The following PTPRK variants were observed in gnomAD, a reference collection of about 807,000 sequenced individuals.
PTPRK encodes protein tyrosine phosphatase receptor type K.
PTPRK carries 75 observed loss-of-function variants against 178.0 expected under a neutral mutation model. The ratio of observed to expected loss-of-function variants is 0.42; its 90% CI spans 0.35 to 0.51. The LOEUF (loss-of-function observed/expected upper bound fraction) is 0.51, where lower values mean the gene tolerates loss of function less well. Ranked by LOEUF, PTPRK falls within the 20% of genes least tolerant of loss-of-function variation. The probability of loss-of-function intolerance (pLI) is 0.02; values close to 1 mark genes in which losing one functional copy is unlikely to be tolerated. For missense variants in PTPRK, 1,441 were observed against 1,797.8 expected (o/e 0.80, Z 3.59); for synonymous variants, 637 against 620.6 (o/e 1.03, Z -0.39).
chr6:128,026,848 T>C (rs1036564210), intron 13 of PTPRK, among the ~76,000 whole-genome samples: 1 of 152,194 alleles, frequency 6.6e-6, no homozygotes, highest in Non-Finnish European at 1.5e-5. Flanking sequence ...TCACTCTGTA[T>C]TTCTTAATCT....
At chr6:128,384,349 T>C (rs1838380151) in intron 2 of PTPRK, among the ~76,000 whole-genome samples, 2 of 151,914 alleles carry the variant, frequency 1.3e-5, no homozygotes, top group African/African-American at 2.4e-5. Flanking sequence ...TTAATAGAGA[T>C]ATCTCGCAAT....
chr6:128,181,969 G>T (rs1344775915), intron 7 of PTPRK, among the ~76,000 whole-genome samples: 1 of 151,934 alleles, frequency 6.6e-6, no homozygotes, highest in African/African-American at 2.4e-5. Context: ...TGATGAAATA[G>T]TAACCATGGT....
intron 2 of PTPRK, among the ~76,000 whole-genome samples, chr6:128,330,320 A>G (rs2128325277): frequency 6.6e-6 from 1 of 152,110 alleles, no homozygotes; most frequent in South Asian, 2.1e-4. Context: ...CAATGCCATT[A>G]CCCTCCTTTT....
At chr6:128,321,855 G>T in intron 3 of PTPRK, 184 bp downstream of exon 3, 1 of 796,350 alleles carries the variant, frequency 1.3e-6, no homozygotes, top group South Asian at 1.4e-5. Flanking sequence ...AGAAAGAGGG[G>T]CAATCTCTCA....
intron 2 of PTPRK, among the ~76,000 whole-genome samples, chr6:128,342,229 G>C (rs1172160758): frequency 6.6e-6 from 1 of 152,010 alleles, no homozygotes; most frequent in Non-Finnish European, 1.5e-5. Context: ...CTCAAGCCTG[G>C]GTGACAGAGT....
chr6:128,393,957 T>C lies in PTPRK; in HGVS notation c.223+3609A>G, dbSNP rs138443487. On this transcript the variant is annotated intron_variant, in intron 2 of 29. Transcript: ENST00000368226. The stretch of plus-strand genomic sequence containing the variant: ...GTAAAACGCCATCCAGATTAAGAAA[T>C]AGAATATCATCACCAGCATCTGGAA... Among the ~76,000 whole-genome samples, 1,499 of 152,226 alleles carry C rather than the reference T, an allele frequency of 9.8e-3. 20 individuals carry two copies. Among genetic ancestry groups the C allele is most frequent in the African/African-American group, 0.033 (1,351 of 41,534 alleles).
chr6:128,511,260 A>G (rs1207130491), intron 1 of PTPRK, among the ~76,000 whole-genome samples: 2 of 152,124 alleles, frequency 1.3e-5, no homozygotes, highest in African/African-American at 4.8e-5. Context: ...AGTGGTCCAC[A>G]ACAGAGAACA....
chr6:128,039,275 C>T (rs1455357632), intron 13 of PTPRK, among the ~76,000 whole-genome samples: 2 of 152,142 alleles, frequency 1.3e-5, no homozygotes, highest in East Asian at 3.9e-4. Context: ...GAAAATAAGT[C>T]CAAGACACTA....
At chr6:128,115,357 A>C (rs138078063) in intron 7 of PTPRK, among the ~76,000 whole-genome samples, 8 of 152,184 alleles carry the variant, frequency 5.3e-5, no homozygotes, top group African/African-American at 1.9e-4. Context: ...CCACATATAA[A>C]ATTGGAAGTG....
chr6:128,490,920 C>T (rs769634479), intron 1 of PTPRK, among the ~76,000 whole-genome samples: 28 of 152,096 alleles, frequency 1.8e-4, no homozygotes, highest in Non-Finnish European at 4.1e-4. Flanking sequence ...TTTATAAGGA[C>T]ATCAGTCATA....
intron 18 of PTPRK, among the ~76,000 whole-genome samples, chr6:127,995,027 T>C (rs1279896276): frequency 6.6e-6 from 1 of 151,860 alleles, no homozygotes; most frequent in Non-Finnish European, 1.5e-5. Context: ...CTGTCAAAGC[T>C]AAAAATGGTC....
intron 2 of PTPRK, among the ~76,000 whole-genome samples, chr6:128,346,700 T>C (rs929571452): frequency 1.3e-5 from 2 of 152,106 alleles, no homozygotes; most frequent in Non-Finnish European, 1.5e-5. Context: ...CCTTGTCAAA[T>C]GTGCACTCTT....
At chr6:128,140,514 A>C (rs1046274825) in intron 7 of PTPRK, among the ~76,000 whole-genome samples, 1 of 151,988 alleles carries the variant, frequency 6.6e-6, no homozygotes, top group East Asian at 1.9e-4. Context: ...GATTCTTGCA[A>C]CAAAATTGAT....
At chr6:127,996,470 G>T (rs1335672186) in intron 17 of PTPRK, among the ~76,000 whole-genome samples, 1 of 151,976 alleles carries the variant, frequency 6.6e-6, no homozygotes, top group African/African-American at 2.4e-5. Context: ...TGTTGTTTTT[G>T]TTTGTTGTTG....
Position 128,142,577 on chromosome 6 carries a change from TGGTTTTC to T in PTPRK, c.1162+41848_1162+41854del, listed in dbSNP as rs558462167. ...ATATATATATACACACACACACGTG[TGGTTTTC>T]ACAGACATGTCTCCTCCAAATGCAA... On this transcript the variant is annotated intron_variant, in intron 7 of 29. Transcript: ENST00000368226. Among the ~76,000 whole-genome samples, 262 of 151,752 alleles carry T rather than the reference TGGTTTTC, an allele frequency of 1.7e-3. 1 individual carries two copies. Among genetic ancestry groups the T allele is most frequent in the African/African-American group, 6.0e-3 (249 of 41,430 alleles).
intron 1 of PTPRK, among the ~76,000 whole-genome samples, chr6:128,492,820 CA>C (rs1159430775): frequency 6.6e-6 from 1 of 152,186 alleles, no homozygotes; most frequent in Non-Finnish European, 1.5e-5. Flanking sequence ...CCTTGCCTTC[CA>C]AAAACCCCTT....
intron 2 of PTPRK, among the ~76,000 whole-genome samples, chr6:128,344,020 G>A (rs1444985113): frequency 6.6e-6 from 1 of 152,184 alleles, no homozygotes; most frequent in Non-Finnish European, 1.5e-5. Flanking sequence ...ATTTGTAAAA[G>A]AGAGATAATA....
At chr6:128,011,506 A>C in intron 13 of PTPRK, among the ~76,000 whole-genome samples, 1 of 151,150 alleles carries the variant, frequency 6.6e-6, no homozygotes. Context: ...CATTTTACAA[A>C]AATCTTCAGA....
intron 2 of PTPRK, among the ~76,000 whole-genome samples, chr6:128,337,168 T>C (rs1831047195): frequency 6.6e-6 from 1 of 152,150 alleles, no homozygotes; most frequent in African/African-American, 2.4e-5. Context: ...ACTTTTTAGT[T>C]AATAAACAAA....
Sources: allele counts gnomAD v4.1 joint callset (sites outside exome capture counted in the v4.1 genomes callset), GRCh38; gene constraint gnomAD v4.1.1; transcripts MANE v1.5; gene names NCBI Gene and HGNC (gene_info 2026-07-23, HGNC 2026-07-21).